The following CRPPA variants were observed in gnomAD, a reference collection of about 807,000 sequenced individuals.
CRPPA encodes D-ribitol-5-phosphate cytidylyltransferase.
Under a neutral mutation model 52.0 loss-of-function variants are expected in CRPPA, and 43 were observed. That is an observed-to-expected ratio of 0.83 (90% CI 0.65 to 1.07). The LOEUF is 1.07. CRPPA is among the 50% of genes least tolerant of loss of function. The pLI, the probability that CRPPA is intolerant of heterozygous loss-of-function variation, is 0.00. For synonymous variants in CRPPA, 250 were observed against 203.5 expected (o/e 1.23, Z -1.94); for missense variants, 629 against 551.7 (o/e 1.14, Z -1.40).
chr7:16,317,790 T>C (rs1785177987), intron 3 of CRPPA, among the ~76,000 whole-genome samples: 1 of 152,156 alleles, frequency 6.6e-6, no homozygotes, highest in African/African-American at 2.4e-5. Flanking sequence ...TATATGTGAG[T>C]TCTATTTTCA....
chr7:16,228,308 C>T (rs1035540481), intron 8 of CRPPA, among the ~76,000 whole-genome samples: 3 of 151,968 alleles, frequency 2.0e-5, no homozygotes, highest in African/African-American at 7.2e-5. Context: ...CCCACTATTT[C>T]ATTCATTTCT....
chr7:16,313,563 G>A (rs1389554587), intron 3 of CRPPA, among the ~76,000 whole-genome samples: 3 of 151,580 alleles, frequency 2.0e-5, no homozygotes, highest in Non-Finnish European at 4.4e-5. Flanking sequence ...ATTTTTATTT[G>A]CTTTCTTCTG....
In CRPPA at chr7:16,225,645, A is replaced by T. The variant is rs1018220159; in HGVS notation, c.1120-9448T>A. Among the ~76,000 whole-genome samples, 3 of 152,092 alleles carry T rather than the reference A, an allele frequency of 2.0e-5. No individual in the cohort carries two copies. In the East Asian group the frequency reaches 5.8e-4, roughly 29 times the overall value. On this transcript the variant is annotated intron_variant, in intron 8 of 9. Coordinates refer to ENST00000407010, the MANE Select transcript of CRPPA (RefSeq NM_001101426.4). ...GTGAATTGTCAAAATTTCATTTTACATTATAAAAACTAATACTGCTTAAGC... is the reference window on the plus strand; with the variant it reads ...GTGAATTGTCAAAATTTCATTTTACTTTATAAAAACTAATACTGCTTAAGC...
intron 5 of CRPPA, among the ~76,000 whole-genome samples, chr7:16,279,851 C>T (rs1057462339): frequency 6.6e-6 from 1 of 152,164 alleles, no homozygotes; most frequent in Non-Finnish European, 1.5e-5. Flanking sequence ...TTTCACACTC[C>T]TGATAAAGAT....
chr7:16,341,186 G>C (rs1785817714), intron 3 of CRPPA, among the ~76,000 whole-genome samples: 1 of 151,946 alleles, frequency 6.6e-6, no homozygotes, highest in Non-Finnish European at 1.5e-5. Context: ...TATAACATTA[G>C]TTCAAAGCCT....
intron 2 of CRPPA, among the ~76,000 whole-genome samples, chr7:16,389,146 C>A (rs1211052836): frequency 6.6e-6 from 1 of 152,076 alleles, no homozygotes; most frequent in African/African-American, 2.4e-5. Flanking sequence ...AAGCCAAGAT[C>A]CAGAAGGCTC....
intron 3 of CRPPA, among the ~76,000 whole-genome samples, chr7:16,356,389 G>A (rs995542234): frequency 2.0e-5 from 3 of 152,138 alleles, no homozygotes; most frequent in South Asian, 4.1e-4. Flanking sequence ...TGACTGTGGT[G>A]TATTAAAGAT....
chr7:16,164,798 C>A (rs1390138148), intron 9 of CRPPA, among the ~76,000 whole-genome samples: 1 of 152,108 alleles, frequency 6.6e-6, no homozygotes, highest in Non-Finnish European at 1.5e-5. Flanking sequence ...GCTGGGAGTC[C>A]ACTACAGACA....
intron 5 of CRPPA, among the ~76,000 whole-genome samples, chr7:16,286,926 C>G (rs1232727468): frequency 6.6e-6 from 1 of 152,070 alleles, no homozygotes; most frequent in Non-Finnish European, 1.5e-5. Context: ...TAAGTTTATT[C>G]AGAGCTGATA....
At chr7:16,231,415 T>C (rs1782792854) in intron 8 of CRPPA, among the ~76,000 whole-genome samples, 2 of 152,278 alleles carry the variant, frequency 1.3e-5, no homozygotes, top group South Asian at 4.1e-4. Flanking sequence ...CATGTTATCA[T>C]GGTAAAAAGT....
intron 9 of CRPPA, among the ~76,000 whole-genome samples, chr7:16,187,416 T>G (rs758005681): frequency 2.6e-5 from 4 of 152,202 alleles, no homozygotes; most frequent in Non-Finnish European, 5.9e-5. Flanking sequence ...TTATTAGCAT[T>G]TCAATAATCC....
intron 3 of CRPPA, among the ~76,000 whole-genome samples, chr7:16,341,343 C>G (rs1018824937): frequency 1.3e-5 from 2 of 151,832 alleles, no homozygotes; most frequent in Admixed American, 1.3e-4. Flanking sequence ...AAAGGCTATG[C>G]ACACCTAGAG....
intron 8 of CRPPA, among the ~76,000 whole-genome samples, chr7:16,242,104 G>A (rs1002126774): frequency 1.3e-5 from 2 of 151,188 alleles, no homozygotes; most frequent in Non-Finnish European, 1.5e-5. Context: ...ACAGGCACCC[G>A]CCACCACACC....
At chr7:16,142,087 A>G (rs562058270) in intron 9 of CRPPA, among the ~76,000 whole-genome samples, 1 of 152,290 alleles carries the variant, frequency 6.6e-6, no homozygotes, top group South Asian at 2.1e-4. Flanking sequence ...CTAGCTCCAC[A>G]AGTTCTGTTA....
chr7:16,365,254 A>T (rs1039940841), intron 3 of CRPPA, among the ~76,000 whole-genome samples: 1 of 152,210 alleles, frequency 6.6e-6, no homozygotes, highest in Non-Finnish European at 1.5e-5. Flanking sequence ...ACAGAGGGAG[A>T]TGTCAGATGA....
At chr7:16,308,727 TA>T (rs1784970953) in intron 3 of CRPPA, 100 bp from the exon 4 acceptor site, 2 of 722,184 alleles carry the variant, frequency 2.8e-6, no homozygotes, top group Non-Finnish European at 2.4e-6. Context: ...AGGAAGGGCC[TA>T]GGGGGCTCAA....
chr7:16,421,083 G>T lies in CRPPA; in HGVS notation c.240C>A (p.Thr80=). Residue 80 remains threonine (T), a synonymous_variant, in exon 1 of 10, where the codon ACC becomes ACA. Transcript: ENST00000407010. ...CGCATTACCTCTCCAGGGCCTGTAG[G>T]GTGTAGCTGATGAGCGGCCTCTCCA... is the stretch of plus-strand genomic sequence containing the variant. ...PILERPLISY[T]LQALERVCWI... is the part of the protein sequence containing the mutation. The T allele has an allele frequency of 7.7e-7, 1 of 1,294,518 alleles. No individual in the cohort carries two copies. Among genetic ancestry groups the T allele is most frequent in the Non-Finnish European group, 9.9e-7 (1 of 1,014,300 alleles). The allele number at this position is 1,294,518 out of a possible 1,614,324, so 80.2% of individuals were successfully genotyped here. A position where few individuals can be genotyped will look rare whatever the true frequency, so the allele number is the denominator to read the frequency against.
At chr7:16,297,266 A>G (rs1030288031) in intron 5 of CRPPA, among the ~76,000 whole-genome samples, 2 of 152,214 alleles carry the variant, frequency 1.3e-5, no homozygotes, top group Admixed American at 1.3e-4. Flanking sequence ...AAGTGAGATA[A>G]CATATAAGGC....
In CRPPA at chr7:16,308,534, C is replaced by T; in HGVS notation, c.778G>A (p.Asp260Asn). 6.3e-7 allele frequency: 1 copy of T among 1,591,180 alleles called. No homozygotes were observed. Among genetic ancestry groups the T allele is most frequent in the Non-Finnish European group, 8.6e-7 (1 of 1,161,360 alleles). Residue 260 changes from aspartate (D) to asparagine (N), a missense_variant, in exon 4 of 10, where the codon GAC (aspartate) becomes AAC (asparagine). By Grantham distance (23) the Asp-to-Asn change is conservative. Transcript: ENST00000407010. ...ATCATCCCTCTTACCTTCCAGAGGT[C>T]AGGTGATCCTTCTACAAGTTTGGCT... ...TKAKLVEGSPDLWKVTYKRDL... is the reference protein window; with the variant it reads ...TKAKLVEGSPNLWKVTYKRDL...
Sources: allele counts gnomAD v4.1 joint callset (sites outside exome capture counted in the v4.1 genomes callset), GRCh38; gene constraint gnomAD v4.1.1; transcripts MANE v1.5; gene names NCBI Gene and HGNC (gene_info 2026-07-23, HGNC 2026-07-21).